TSHZ3: variants seen among roughly 807,000 people sequenced by gnomAD.
TSHZ3 encodes teashirt zinc finger homeobox 3, also known as teashirt homolog 3.
In TSHZ3, 10 loss-of-function variants were observed where a neutral mutation model predicts 64.5. The ratio of observed to expected loss-of-function variants is 0.16; its 90% CI spans 0.10 to 0.26. TSHZ3 has a LOEUF of 0.26. Among genes scored for constraint, TSHZ3 ranks in the 10% least tolerant of loss-of-function variants. The probability of loss-of-function intolerance (pLI) is 1.00; values close to 1 mark genes in which losing one functional copy is unlikely to be tolerated. For missense variants in TSHZ3, 1,242 were observed against 1,421.7 expected (o/e 0.87, Z 2.03); for synonymous variants, 608 against 593.1 (o/e 1.03, Z -0.36).
rs568714079 is a variant in TSHZ3 at position 31,216,186 on chromosome 19, T to A, written n.687-11108A>T. On this transcript the variant is annotated intron_variant and non_coding_transcript_variant, in intron 4 of 6. Coordinates refer to the TSHZ3 transcript ENST00000651361. ...GATGGTGTTATGTCTGGCCATCAAA[T>A]CGTTCTTAAATATTTAAACTTAGTC... Among the ~76,000 whole-genome samples the A allele has an allele frequency of 2.2e-4, 34 of 152,244 alleles. No individual in the cohort carries two copies. In the South Asian group the frequency reaches 6.2e-3, roughly 28 times the overall value.
At chr19:31,193,077 G>A (rs1362428421) in intron 5 of TSHZ3, among the ~76,000 whole-genome samples, 1 of 152,134 alleles carries the variant, frequency 6.6e-6, no homozygotes. Context: ...GCACAGGGAG[G>A]CCTCATGTTG....
chr19:31,225,218 T>C (rs16965273), intron 4 of TSHZ3, among the ~76,000 whole-genome samples: 2,648 of 152,318 alleles, frequency 0.017, 75 homozygotes, highest in African/African-American at 0.059. Flanking sequence ...GCATCCCGAA[T>C]GGCATTATAG....
Position 31,279,597 on chromosome 19 carries a change from C to T in TSHZ3, c.196G>A (p.Glu66Lys), listed in dbSNP as rs754690102. ...CPSYQNSPAA[E>K]FSCHEMDSES... is the part of the protein sequence containing the mutation. Reference sequence around the variant, plus strand: ...CTGTCCATTTCATGGCAGGAAAACTCGGCGGCCGGGGAGTTCTGGTAGCTG... The same window carrying T: ...CTGTCCATTTCATGGCAGGAAAACTTGGCGGCCGGGGAGTTCTGGTAGCTG... Residue 66 changes from glutamate to lysine, a missense_variant, in exon 2 of 2, where the codon GAG (glutamate) becomes AAG (lysine). Physicochemically the swap from Glu to Lys is moderately conservative, Grantham distance 56 (BLOSUM62 1). Coordinates refer to ENST00000240587, the MANE Select transcript of TSHZ3 (RefSeq NM_020856.4). The surrounding 1 kb of genome is among the most constrained non-coding windows in gnomAD (Gnocchi z 6.4). 6.2e-6 allele frequency: 10 copies of T among 1,611,860 alleles called. No homozygotes were observed. Among genetic ancestry groups the T allele is most frequent in the South Asian group, 1.1e-5 (1 of 90,798 alleles).
rs573053525 is a variant in TSHZ3, at chr19:31,334,259, T to G, written c.40+14921A>C. ...AGCCTCATCTATTACACACCCATAG[T>G]ATTTGCTAACTAATATATGTGAAAG... On this transcript the variant is annotated intron_variant, in intron 1 of 1. Coordinates refer to ENST00000240587, the MANE Select transcript of TSHZ3 (RefSeq NM_020856.4). Among the ~76,000 whole-genome samples the G allele has an allele frequency of 1.6e-4, 24 of 152,250 alleles. 1 individual carries two copies. The highest frequency in any genetic ancestry group is 5.3e-4 in the African/African-American group (22 of 41,554).
intron 1 of TSHZ3, among the ~76,000 whole-genome samples, chr19:31,302,931 T>G (rs1976778149): frequency 6.6e-6 from 1 of 152,294 alleles, no homozygotes; most frequent in East Asian, 1.9e-4. Context: ...CAACGTGGCT[T>G]GAGTTCATCT....
chr19:31,335,065 A>G (rs1251604005), intron 1 of TSHZ3, among the ~76,000 whole-genome samples: 3 of 152,192 alleles, frequency 2.0e-5, no homozygotes, highest in African/African-American at 4.8e-5. Flanking sequence ...AAACTTAAAG[A>G]CTTTCCCTCT....
chr19:31,156,740 T>C (rs1163494753), intron 5 of TSHZ3, among the ~76,000 whole-genome samples: 1 of 152,202 alleles, frequency 6.6e-6, no homozygotes, highest in African/African-American at 2.4e-5. Context: ...CAATATGCTT[T>C]GTGAGTTAAG....
At chr19:31,331,204 G>A (rs1004222852) in intron 1 of TSHZ3, among the ~76,000 whole-genome samples, 12 of 152,130 alleles carry the variant, frequency 7.9e-5, no homozygotes, top group East Asian at 5.8e-4. Flanking sequence ...TGGACAGAGC[G>A]ACACCAGGCC....
chr19:31,327,210 C>G (rs1013980869), intron 1 of TSHZ3, among the ~76,000 whole-genome samples: 1 of 152,210 alleles, frequency 6.6e-6, no homozygotes, highest in Non-Finnish European at 1.5e-5. Flanking sequence ...TGGATGTGTT[C>G]GACCAATTCC....
At chr19:31,170,643 A>T (rs1430413369) in intron 5 of TSHZ3, among the ~76,000 whole-genome samples, 1 of 152,222 alleles carries the variant, frequency 6.6e-6, no homozygotes, top group East Asian at 1.9e-4. Flanking sequence ...GCTAGACTGC[A>T]AGCATCAGTT....
intron 4 of TSHZ3, among the ~76,000 whole-genome samples, chr19:31,213,032 G>A (rs1032821451): frequency 1.8e-4 from 28 of 152,002 alleles, no homozygotes; most frequent in African/African-American, 6.8e-4. Flanking sequence ...TCAACCATAC[G>A]ACATTCTGGA....
At chr19:31,297,262 C>G (rs1015943064) in intron 1 of TSHZ3, among the ~76,000 whole-genome samples, 2 of 152,214 alleles carry the variant, frequency 1.3e-5, no homozygotes, top group East Asian at 3.9e-4. Flanking sequence ...CGCCAGCATT[C>G]CCAGGTCCCT....
At chr19:31,281,835 A>G (rs941998717) in intron 1 of TSHZ3, among the ~76,000 whole-genome samples, 2 of 152,130 alleles carry the variant, frequency 1.3e-5, no homozygotes, top group Admixed American at 1.3e-4. Flanking sequence ...TGGACTCAAA[A>G]CTCCAATGGA....
intron 4 of TSHZ3, among the ~76,000 whole-genome samples, chr19:31,213,227 T>C (rs1477646943): frequency 1.3e-5 from 2 of 151,246 alleles, no homozygotes; most frequent in African/African-American, 4.9e-5. Context: ...CGTGGCGTCA[T>C]GCACCTGTAG....
chr19:31,341,250 C>A (rs1274197318), intron 1 of TSHZ3, among the ~76,000 whole-genome samples: 1 of 152,202 alleles, frequency 6.6e-6, no homozygotes, highest in Non-Finnish European at 1.5e-5. Context: ...TAGCCTCTTG[C>A]AAGATGCATT....
At chr19:31,223,125 T>G (rs961796620) in intron 4 of TSHZ3, among the ~76,000 whole-genome samples, 1 of 152,192 alleles carries the variant, frequency 6.6e-6, no homozygotes, top group Non-Finnish European at 1.5e-5. Context: ...CTCTTGGACA[T>G]CTGAGCCTGT....
At chr19:31,265,417 A>AAAAAAG (rs1555731223) in intron 1 of TSHZ3, among the ~76,000 whole-genome samples, 4 of 147,422 alleles carry the variant, frequency 2.7e-5, no homozygotes, top group African/African-American at 7.7e-5. Context: ...AAAAAAAAAA[A>AAAAAAG]AAAGAAAGAA....
chr19:31,161,483 G>A (rs1170706750), intron 5 of TSHZ3, among the ~76,000 whole-genome samples: 5 of 152,140 alleles, frequency 3.3e-5, no homozygotes, highest in African/African-American at 1.2e-4. Context: ...GGAGATATGG[G>A]ATTCACAGTT....
intron 1 of TSHZ3, among the ~76,000 whole-genome samples, chr19:31,348,356 T>C (rs2021576316): frequency 6.6e-6 from 1 of 151,140 alleles, no homozygotes; most frequent in African/African-American, 2.4e-5. Flanking sequence ...TATTGCAAAA[T>C]AATGTTATGT....
Sources: gnomAD v4.1 joint callset for allele counts (sites outside exome capture counted in the v4.1 genomes callset) on GRCh38, gnomAD v4.1.1 for gene constraint, Gnocchi (gnomAD v3.1) non-coding constraint, MANE v1.5 for transcripts, NCBI Gene and HGNC (gene_info 2026-07-23, HGNC 2026-07-21) for gene names.